Variants in PTPRT observed in about 807,000 individuals in gnomAD.
PTPRT encodes the protein receptor-type tyrosine-protein phosphatase T.
A neutral mutation model predicts 176.8 loss-of-function variants in PTPRT; 56 were observed. The ratio of observed to expected loss-of-function variants is 0.32; its 90% CI spans 0.26 to 0.40. PTPRT has a LOEUF of 0.40. Among genes scored for constraint, PTPRT ranks in the 10% least tolerant of loss-of-function variants. The pLI, the probability that PTPRT is intolerant of heterozygous loss-of-function variation, is 1.00. For missense variants in PTPRT, 1,540 were observed against 1,908.2 expected, an observed-to-expected ratio of 0.81 and a Z score of 3.60; for synonymous variants, 783 against 739.0, an observed-to-expected ratio of 1.06 and a Z score of -0.96.
At chr20:42,898,324 C>T (rs561635335) in intron 1 of PTPRT, among the ~76,000 whole-genome samples, 1 of 152,122 alleles carries the variant, frequency 6.6e-6, no homozygotes, top group African/African-American at 2.4e-5. Context: ...TCCTCCTGTG[C>T]CAGCCTCCCA....
chr20:42,795,840 C>T (rs542371192), intron 2 of PTPRT, among the ~76,000 whole-genome samples: 1 of 152,310 alleles, frequency 6.6e-6, no homozygotes, highest in African/African-American at 2.4e-5. Flanking sequence ...ATAATGAAAC[C>T]TACAGATCAA....
At chr20:42,458,139 T>A (rs1401029925) in intron 8 of PTPRT, among the ~76,000 whole-genome samples, 1 of 152,216 alleles carries the variant, frequency 6.6e-6, no homozygotes, top group African/African-American at 2.4e-5. Flanking sequence ...CCCTCTCCCA[T>A]GACGTCTTGC....
At chr20:42,663,134 C>T (rs1056493541) in intron 7 of PTPRT, among the ~76,000 whole-genome samples, 1 of 151,976 alleles carries the variant, frequency 6.6e-6, no homozygotes, top group African/African-American at 2.4e-5. Context: ...CAAAGAAACA[C>T]TTTGATCTCA....
chr20:42,524,699 C>A (rs2072238022), intron 7 of PTPRT, among the ~76,000 whole-genome samples: 1 of 152,180 alleles, frequency 6.6e-6, no homozygotes, highest in Non-Finnish European at 1.5e-5. Context: ...GGTCATCTCA[C>A]TTTGAATATT....
chr20:42,152,217 T>A (rs553299358), intron 17 of PTPRT, among the ~76,000 whole-genome samples: 1 of 152,376 alleles, frequency 6.6e-6, no homozygotes, highest in Admixed American at 6.5e-5. Flanking sequence ...TAGGAGTTAG[T>A]GGTGGCCTTG....
intron 7 of PTPRT, among the ~76,000 whole-genome samples, chr20:42,532,869 G>A (rs1342522431): frequency 2.0e-5 from 3 of 151,962 alleles, no homozygotes; most frequent in Non-Finnish European, 4.4e-5. Flanking sequence ...TACAGCTCAC[G>A]AGGGAGAGGC....
Position 42,316,117 on chromosome 20 carries a change from A to G in PTPRT, c.1866-121T>C, listed in dbSNP as rs1233799557. ...AAGCATTGGTTCGGTCTACAACAAA[A>G]CTCCAGTCCTGAGCATCAGATTTTC... On this transcript the variant is annotated intron_variant, in intron 11 of 30. Coordinates refer to ENST00000373187, the MANE Select transcript of PTPRT (RefSeq NM_007050.6). 3 of 1,114,972 alleles carry G rather than the reference A, an allele frequency of 2.7e-6. No individual in the cohort carries two copies. In the East Asian group the frequency reaches 7.5e-5, roughly 28 times the overall value. 69.1% of individuals were successfully genotyped at this position (1,114,972 alleles called of 1,614,324 possible). A position where few individuals can be genotyped will look rare whatever the true frequency, so the allele number is the denominator to read the frequency against.
intron 1 of PTPRT, among the ~76,000 whole-genome samples, chr20:42,888,539 C>T (rs559759886): frequency 6.6e-6 from 1 of 152,306 alleles, no homozygotes; most frequent in Admixed American, 6.5e-5. Flanking sequence ...GCTCAGGCAA[C>T]ATGGAAGGAA....
chr20:42,918,275 G>A (rs1978912555), intron 1 of PTPRT, among the ~76,000 whole-genome samples: 1 of 152,038 alleles, frequency 6.6e-6, no homozygotes, highest in African/African-American at 2.4e-5. Flanking sequence ...CTGTGCTCCT[G>A]GTTAAGAAAT....
intron 7 of PTPRT, among the ~76,000 whole-genome samples, chr20:42,517,568 T>C (rs2072092066): frequency 6.6e-6 from 1 of 152,074 alleles, no homozygotes; most frequent in African/African-American, 2.4e-5. Context: ...AACTTTGAAG[T>C]GTGATGCATA....
At chr20:42,268,043 C>T (rs955057346) in intron 13 of PTPRT, among the ~76,000 whole-genome samples, 2 of 152,196 alleles carry the variant, frequency 1.3e-5, no homozygotes, top group African/African-American at 4.8e-5. Flanking sequence ...GTCCCTGCTA[C>T]ATAATGTGGT....
At chr20:42,581,541 A>G (rs923282126) in intron 7 of PTPRT, among the ~76,000 whole-genome samples, 2 of 152,168 alleles carry the variant, frequency 1.3e-5, no homozygotes, top group Admixed American at 6.5e-5. Flanking sequence ...AAAAAAAAAA[A>G]AAAAAGGCTT....
chr20:42,066,045 T>TG, the PTPRT span, among the ~76,000 whole-genome samples: 6 of 149,164 alleles, frequency 4.0e-5, no homozygotes, highest in Non-Finnish European at 8.9e-5. Context: ...TACTTTTTTT[T>TG]TTTTTTTTTT....
At chr20:42,142,588 A>T (rs1988679594) in intron 17 of PTPRT, among the ~76,000 whole-genome samples, 1 of 151,292 alleles carries the variant, frequency 6.6e-6, no homozygotes, top group South Asian at 2.1e-4. Flanking sequence ...TTGTTCAAAG[A>T]CCCCCCAGTG....
At position 42,800,552 on chromosome 20, in the gene PTPRT, A is replaced by AAT. The variant is rs1191328771; in HGVS notation, c.215-9088_215-9087dup. Among the ~76,000 whole-genome samples, 3 of 152,250 alleles carry AAT rather than the reference A, an allele frequency of 2.0e-5. No individual in the cohort carries two copies. The East Asian group carries it at 5.8e-4, about 29-fold the overall frequency. ...CTAAATGGAAATGACATGGAACTAA[A>AAT]ATATATATATTTTTAAATCTCCAAA... On this transcript the variant is annotated intron_variant, in intron 2 of 30. Transcript: ENST00000373187.
intron 16 of PTPRT, among the ~76,000 whole-genome samples, chr20:42,193,092 A>G (rs1991062856): frequency 1.3e-5 from 2 of 152,256 alleles, no homozygotes; most frequent in Non-Finnish European, 2.9e-5. Flanking sequence ...AAAGTAGAAT[A>G]TCTGCTCTGG....
chr20:42,639,088 T>C (rs1398505530), intron 7 of PTPRT, among the ~76,000 whole-genome samples: 1 of 151,584 alleles, frequency 6.6e-6, no homozygotes, highest in Non-Finnish European at 1.5e-5. Context: ...GAAGGACAAG[T>C]TGACCTTTAA....
chr20:42,412,591 G>T (rs147211216), intron 9 of PTPRT, among the ~76,000 whole-genome samples: 270 of 152,224 alleles, frequency 1.8e-3, no homozygotes, highest in African/African-American at 6.2e-3. Context: ...TCTATTCAAA[G>T]ACTTGTACAC....
rs188122331 is a variant in PTPRT at position 42,123,297 on chromosome 20, T to G, written c.2848-3326A>C. Among the ~76,000 whole-genome samples, 279 of 152,346 alleles carry G rather than the reference T, an allele frequency of 1.8e-3. 5 individuals carry two copies. Among genetic ancestry groups the G allele is most frequent in the Admixed American group, 0.015 (235 of 15,298 alleles). ...GGAGTTAGATGGCTTGGATTCTCTA[T>G]TTTGTGAATTCATTTGTTTGCACAG... On this transcript the variant is annotated intron_variant, in intron 19 of 30. Coordinates refer to ENST00000373187, the MANE Select transcript of PTPRT (RefSeq NM_007050.6).
Sources: allele counts gnomAD v4.1 joint callset (sites outside exome capture counted in the v4.1 genomes callset), GRCh38; gene constraint gnomAD v4.1.1; transcripts MANE v1.5; gene names NCBI Gene and HGNC (gene_info 2026-07-23, HGNC 2026-07-21).